Variants in PPP1R42 observed in about 807,000 individuals in gnomAD.
PPP1R42 encodes leucine rich repeat containing 67.
Under a neutral mutation model 31.0 loss-of-function variants are expected in PPP1R42, and 34 were observed. The observed-to-expected ratio is 1.10, with a 90% CI of 0.83 to 1.46. The LOEUF (loss-of-function observed/expected upper bound fraction) is 1.46. Among genes scored for constraint, PPP1R42 ranks in the 40% most tolerant of loss-of-function variants. The pLI is 0.00. For missense variants in PPP1R42, 268 were observed against 303.0 expected, an observed-to-expected ratio of 0.88 and a Z score of 0.86; for synonymous variants, 103 against 109.8, an observed-to-expected ratio of 0.94 and a Z score of 0.39.
intron 7 of PPP1R42, among the ~76,000 whole-genome samples, chr8:66,965,218 T>G (rs1359387857): frequency 6.7e-6 from 1 of 148,390 alleles, no homozygotes; most frequent in Non-Finnish European, 1.5e-5. Flanking sequence ...GAGTCAAGAT[T>G]GCGCCACTGC....
chr8:66,994,450 T>A (rs1240866735), intron 5 of PPP1R42, among the ~76,000 whole-genome samples: 1 of 152,222 alleles, frequency 6.6e-6, no homozygotes, highest in East Asian at 1.9e-4. Flanking sequence ...TTAAATATCT[T>A]CCTTTCTCAC....
chr8:67,009,424 T>C (rs1162579160), intron 5 of PPP1R42, among the ~76,000 whole-genome samples: 1 of 149,288 alleles, frequency 6.7e-6, no homozygotes, highest in African/African-American at 2.5e-5. Flanking sequence ...AAAAATTAGC[T>C]GGGTGTGGTG....
At chr8:66,989,329 T>C (rs1250209861) in intron 5 of PPP1R42, among the ~76,000 whole-genome samples, 2 of 152,162 alleles carry the variant, frequency 1.3e-5, no homozygotes, top group Non-Finnish European at 2.9e-5. Context: ...TTTCACAGCA[T>C]CTTTGTCCCT....
intron 7 of PPP1R42, chr8:66,968,347 T>C (rs957311899): frequency 3.0e-6 from 1 of 331,936 alleles, no homozygotes; most frequent in African/African-American, 2.2e-5. Flanking sequence ...TGGCTCCACA[T>C]AGGATACAGG....
chr8:67,008,537 A>T (rs925583984), intron 5 of PPP1R42, among the ~76,000 whole-genome samples: 1 of 151,642 alleles, frequency 6.6e-6, no homozygotes, highest in Non-Finnish European at 1.5e-5. Flanking sequence ...GCGAAACCCC[A>T]TCTCTACTAT....
At chr8:66,992,370 A>G (rs931849739) in intron 5 of PPP1R42, among the ~76,000 whole-genome samples, 2 of 152,224 alleles carry the variant, frequency 1.3e-5, no homozygotes, top group Non-Finnish European at 2.9e-5. Flanking sequence ...TCTCAGCCAC[A>G]TACCGAGAAC....
chr8:67,004,400 A>G (rs1008314668), intron 5 of PPP1R42, among the ~76,000 whole-genome samples: 2 of 152,208 alleles, frequency 1.3e-5, no homozygotes, highest in Non-Finnish European at 1.5e-5. Flanking sequence ...TAAGATACCT[A>G]TTCTCTGATT....
chr8:66,988,572 C>G, intron 5 of PPP1R42, 55 bp from the exon 6 acceptor site: 1 of 1,457,364 alleles, frequency 6.9e-7, no homozygotes, highest in East Asian at 2.4e-5. Flanking sequence ...ACCAATACTT[C>G]TAGCATGTCA....
intron 7 of PPP1R42, among the ~76,000 whole-genome samples, chr8:66,978,347 G>C (rs895647956): frequency 1.3e-5 from 2 of 152,068 alleles, no homozygotes; most frequent in South Asian, 2.1e-4. Flanking sequence ...CTCCCACCAC[G>C]TCCCTCCCAC....
At chr8:67,013,526 C>CTAAATAAATAAATAAATAAA (rs57947189) in intron 3 of PPP1R42, among the ~76,000 whole-genome samples, 19 of 146,236 alleles carry the variant, frequency 1.3e-4, no homozygotes, top group African/African-American at 4.9e-4. Flanking sequence ...GATCCCATCT[C>CTAAATAAATAAATAAATAAA]TAAATAAATA....
At chr8:66,981,607 C>T (rs1242589347) in intron 7 of PPP1R42, among the ~76,000 whole-genome samples, 1 of 152,050 alleles carries the variant, frequency 6.6e-6, no homozygotes, top group East Asian at 1.9e-4. Flanking sequence ...TCTTGAACTC[C>T]TGACCTCAGG....
At chr8:66,968,596 G>T (rs1431013842) in intron 7 of PPP1R42, 2 of 524,048 alleles carry the variant, frequency 3.8e-6, no homozygotes, top group African/African-American at 2.1e-5. Context: ...TGTTTAGGCT[G>T]AGTATTTTGT....
At chr8:67,027,946 G>GT (rs1384924408) in intron 1 of PPP1R42, among the ~76,000 whole-genome samples, 5 of 151,918 alleles carry the variant, frequency 3.3e-5, no homozygotes, top group South Asian at 2.1e-4. Flanking sequence ...GGTGTTTTTT[G>GT]TTTTTTTGTT....
At chr8:66,994,121 T>A (rs1815268644) in intron 5 of PPP1R42, among the ~76,000 whole-genome samples, 1 of 152,140 alleles carries the variant, frequency 6.6e-6, no homozygotes. Flanking sequence ...AGTTAGAGGA[T>A]CTTGGTGGTA....
chr8:66,968,649 C>T (rs1814452774), intron 7 of PPP1R42: 1 of 186,258 alleles, frequency 5.4e-6, no homozygotes, highest in Non-Finnish European at 1.0e-5. Flanking sequence ...TTGATTATCT[C>T]CTGGATTTAT....
At chr8:66,986,196 T>C in intron 6 of PPP1R42, 1 of 578,982 alleles carries the variant, frequency 1.7e-6, no homozygotes, top group South Asian at 1.7e-5. Flanking sequence ...CCTTGGAGCC[T>C]CCCAAATTGC....
At chr8:66,967,131 T>G (rs2130908300) in intron 7 of PPP1R42, among the ~76,000 whole-genome samples, 1 of 152,162 alleles carries the variant, frequency 6.6e-6, no homozygotes, top group African/African-American at 2.4e-5. Flanking sequence ...GACAAGCTAC[T>G]ACACCTGAAT....
At chr8:66,978,910 G>C (rs1043985766) in intron 7 of PPP1R42, among the ~76,000 whole-genome samples, 1 of 151,918 alleles carries the variant, frequency 6.6e-6, no homozygotes, top group Non-Finnish European at 1.5e-5. Context: ...AAACTGGGTT[G>C]TTTTTTTGCT....
At chr8:67,014,303 T>C (rs747972109) in intron 3 of PPP1R42, 123 bp downstream of exon 3, 57 of 524,734 alleles carry the variant, frequency 1.1e-4, no homozygotes, top group Middle Eastern at 5.1e-4. Context: ...TGAAATCATA[T>C]CAATTTCATA....
Sources: allele counts gnomAD v4.1 joint callset (sites outside exome capture counted in the v4.1 genomes callset), GRCh38; gene constraint gnomAD v4.1.1; transcripts MANE v1.5; gene names NCBI Gene and HGNC (gene_info 2026-07-23, HGNC 2026-07-21).